Variants in PXYLP1 observed in about 807,000 individuals in gnomAD.
PXYLP1 encodes 2-phosphoxylose phosphatase 1, also known as acid phosphatase-like 2.
Under a neutral mutation model 37.9 loss-of-function variants are expected in PXYLP1, and 17 were observed. The observed-to-expected ratio is 0.45, with a 90% CI of 0.31 to 0.67. The LOEUF (loss-of-function observed/expected upper bound fraction) is 0.67. Ranked by LOEUF, PXYLP1 falls within the 30% of genes least tolerant of loss-of-function variation. The pLI, the probability that PXYLP1 is intolerant of heterozygous loss-of-function variation, is 0.07. For synonymous variants in PXYLP1, 221 were observed against 232.2 expected (o/e 0.95, Z 0.44); for missense variants, 511 against 612.0 (o/e 0.84, Z 1.74).
At chr3:141,234,519 C>T (rs1487916712) in intron 1 of PXYLP1, among the ~76,000 whole-genome samples, 1 of 152,196 alleles carries the variant, frequency 6.6e-6, no homozygotes, top group Non-Finnish European at 1.5e-5. Context: ...TTGCACCATC[C>T]CCACTCCAGT....
In PXYLP1 at chr3:141,234,276, G is replaced by A. The variant is rs564643013; in HGVS notation, c.-54+2365G>A. On this transcript the variant is annotated intron_variant, in intron 1 of 5. Coordinates refer to ENST00000286353, the MANE Select transcript of PXYLP1 (RefSeq NM_001037172.3). ...TCGTTAACCTCAGTGGGGACTCCAA[G>A]ATTTCCATGAAGAAAATCAGTTGTC... is the stretch of plus-strand genomic sequence containing the variant. 2.6e-5 allele frequency: 4 copies of A among 152,278 alleles called. No individual in the cohort carries two copies. In the South Asian group the frequency reaches 8.3e-4, roughly 32 times the overall value. The allele number at this position is 152,278 out of a possible 1,614,324, so 9.4% of individuals were successfully genotyped here. A position where few individuals can be genotyped will look rare whatever the true frequency, so the allele number is the denominator to read the frequency against.
At chr3:141,239,516 A>G (rs544600543) in intron 1 of PXYLP1, among the ~76,000 whole-genome samples, 6 of 48,642 alleles carry the variant, frequency 1.2e-4, no homozygotes, top group South Asian at 2.1e-3. Context: ...TTAGCAGCAT[A>G]TGATTTTTTT....
chr3:141,241,705 G>A lies in PXYLP1; in HGVS notation c.-54+9794G>A, dbSNP rs371858232. On this transcript the variant is annotated intron_variant, in intron 1 of 5. Coordinates refer to ENST00000286353, the MANE Select transcript of PXYLP1 (RefSeq NM_001037172.3). ...CCCGTCCAACACTGCTGTGCCATGGGGCCTGGCCTTACAGGGTTTGCAGAA... is the reference window on the plus strand; with the variant it reads ...CCCGTCCAACACTGCTGTGCCATGGAGCCTGGCCTTACAGGGTTTGCAGAA... 5.9e-5 allele frequency among the ~76,000 whole-genome samples: 9 copies of A among 152,198 alleles called. No homozygotes were observed. In the South Asian group the frequency reaches 1.9e-3, roughly 32 times the overall value.
At chr3:141,260,984 A>G (rs1941381622) in intron 2 of PXYLP1, among the ~76,000 whole-genome samples, 1 of 152,190 alleles carries the variant, frequency 6.6e-6, no homozygotes. Context: ...TCCTTTGCCA[A>G]GAGCGTTCTC....
chr3:141,287,014 A>G (rs1267295002), intron 4 of PXYLP1, among the ~76,000 whole-genome samples: 1 of 152,218 alleles, frequency 6.6e-6, no homozygotes, highest in Non-Finnish European at 1.5e-5. Flanking sequence ...GGCCTCCCGG[A>G]GAGCGAGCCC....
At position 141,282,133 on chromosome 3, in the gene PXYLP1, T is replaced by A. The variant is rs140415535; in HGVS notation, c.365+2629T>A. Among the ~76,000 whole-genome samples, 307 of 152,130 alleles carry A rather than the reference T, an allele frequency of 2.0e-3. 1 individual carries two copies. The highest frequency in any genetic ancestry group is 7.1e-3 in the African/African-American group (295 of 41,486). Reference sequence around the variant, plus strand: ...GTGCCCCACAAGGCCTGAGTGCCCTTCCTCCACCCCTAACCCGCCTGACCT... The same window carrying A: ...GTGCCCCACAAGGCCTGAGTGCCCTACCTCCACCCCTAACCCGCCTGACCT... On this transcript the variant is annotated intron_variant, in intron 4 of 5. Transcript: ENST00000286353.
chr3:141,234,869 A>G (rs1163062887), intron 1 of PXYLP1: 4 of 152,204 alleles, frequency 2.6e-5, no homozygotes, highest in Non-Finnish European at 4.4e-5. Context: ...TCTTACCCAG[A>G]TTGTCTCTGT....
Position 141,293,615 on chromosome 3 carries a change from A to G in PXYLP1, c.*410A>G, listed in dbSNP as rs1036063723. The G allele has an allele frequency of 5.9e-6, 1 of 168,692 alleles. No individual in the cohort carries two copies. The highest frequency in any genetic ancestry group is 2.4e-5 in the African/African-American group (1 of 41,748). 10.4% of individuals were successfully genotyped at this position (168,692 alleles called of 1,614,324 possible). The stretch of plus-strand genomic sequence containing the variant: ...CTTGTCCTTGTTAAGAATTTCTTGA[A>G]GTGATTTATCTAAAATAAAGGTTGG... On this transcript the variant is annotated 3_prime_UTR_variant, in exon 6 of 6. Transcript: ENST00000286353.
chr3:141,233,463 C>CCAAAAA (rs1158763652), intron 1 of PXYLP1, among the ~76,000 whole-genome samples: 2 of 79,404 alleles, frequency 2.5e-5, no homozygotes, highest in Non-Finnish European at 4.9e-5. Context: ...AAAACCCTGT[C>CCAAAAA]AAAAAAAAAA....
At chr3:141,271,378 G>A (rs970116927) in intron 2 of PXYLP1, among the ~76,000 whole-genome samples, 3 of 152,208 alleles carry the variant, frequency 2.0e-5, no homozygotes, top group Admixed American at 1.3e-4. Context: ...AGGAAAAAGT[G>A]ACTGTAGTCC....
At chr3:141,247,064 A>C (rs1940977199) in intron 1 of PXYLP1, among the ~76,000 whole-genome samples, 1 of 152,254 alleles carries the variant, frequency 6.6e-6, no homozygotes, top group Non-Finnish European at 1.5e-5. Context: ...CTCCAAGAGT[A>C]ACAGGTTTCT....
At chr3:141,278,896 G>A (rs1227168306) in intron 3 of PXYLP1, among the ~76,000 whole-genome samples, 1 of 152,260 alleles carries the variant, frequency 6.6e-6, no homozygotes. Context: ...AGGATGTCCT[G>A]CTGGCGTCTT....
intron 2 of PXYLP1, chr3:141,274,767 C>T (rs1004901270): frequency 9.2e-6 from 6 of 654,632 alleles, no homozygotes; most frequent in Non-Finnish European, 1.7e-5. Context: ...TGAGCCATGA[C>T]GGCAGCAGGA....
intron 2 of PXYLP1, chr3:141,274,177 C>T (rs899907206): frequency 3.1e-5 from 32 of 1,036,970 alleles, no homozygotes; most frequent in Non-Finnish European, 3.4e-5. Context: ...GTCTGTCCCT[C>T]AGCTCCCTTT....
chr3:141,265,333 C>G (rs960093628), intron 2 of PXYLP1, among the ~76,000 whole-genome samples: 22 of 135,692 alleles, frequency 1.6e-4, no homozygotes, highest in Non-Finnish European at 2.7e-4. Flanking sequence ...ATGCATGTTC[C>G]AAAACCAAAA....
intron 1 of PXYLP1, among the ~76,000 whole-genome samples, chr3:141,233,360 G>A (rs1940577911): frequency 6.6e-6 from 1 of 151,778 alleles, no homozygotes; most frequent in South Asian, 2.1e-4. Context: ...AGCTACTCAG[G>A]AGGCTGAGAC....
Position 141,287,410 on chromosome 3 carries a change from C to T in PXYLP1, c.462C>T (p.Tyr154=), listed in dbSNP as rs750849256. 6.2e-7 allele frequency: 1 copy of T among 1,614,176 alleles called. No individual in the cohort carries two copies. Among genetic ancestry groups the T allele is most frequent in the South Asian group, 1.1e-5 (1 of 91,082 alleles). ...FESPLNSLPL[Y]PNHPLCEMGE... ...GCCCCTTGAACTCCTTGCCTCTTTA[C>T]CCAAATCACCCATTGTGTGAGATGG... The change falls in exon 5 of 6, where the codon TAC becomes TAT. Residue 154 remains tyrosine, a synonymous_variant. Transcript: ENST00000286353.
intron 3 of PXYLP1, among the ~76,000 whole-genome samples, chr3:141,278,917 T>G (rs1447510691): frequency 2.6e-5 from 4 of 152,240 alleles, no homozygotes; most frequent in Non-Finnish European, 5.9e-5. Flanking sequence ...GCCATAGAAG[T>G]GAGGCAATTT....
intron 1 of PXYLP1, among the ~76,000 whole-genome samples, chr3:141,238,444 C>T (rs1940710616): frequency 6.6e-6 from 1 of 152,222 alleles, no homozygotes; most frequent in Non-Finnish European, 1.5e-5. Context: ...AACTCGAGTG[C>T]TTCTCTGCCT....
Sources: allele counts gnomAD v4.1 joint callset (sites outside exome capture counted in the v4.1 genomes callset), GRCh38; gene constraint gnomAD v4.1.1; transcripts MANE v1.5; gene names NCBI Gene and HGNC (gene_info 2026-07-23, HGNC 2026-07-21).